Variants in IGFL2 observed in about 807,000 individuals in gnomAD.
IGFL2 encodes insulin growth factor-like family member 2.
In IGFL2, 7 loss-of-function variants were observed where a neutral mutation model predicts 13.9. The ratio of observed to expected loss-of-function variants is 0.51; its 90% CI spans 0.29 to 0.95. IGFL2 has a LOEUF of 0.95. IGFL2 is among the 40% of genes least tolerant of loss of function. The pLI, the probability that IGFL2 is intolerant of heterozygous loss-of-function variation, is 0.08. For synonymous variants in IGFL2, 55 were observed against 55.8 expected (o/e 0.99, Z 0.07); for missense variants, 138 against 147.8 (o/e 0.93, Z 0.34).
At chr19:46,137,886 C>T in the IGFL2 span, among the ~76,000 whole-genome samples, 2 of 152,194 alleles carry the variant, frequency 1.3e-5, no homozygotes, top group African/African-American at 4.8e-5. Context: ...TTGGTCCTTT[C>T]TTAAAATGGC....
intron 1 of IGFL2, chr19:46,148,964 G>A: frequency 6.3e-7 from 1 of 1,583,710 alleles, no homozygotes; most frequent in South Asian, 1.2e-5. Context: ...TGGAGTTCCT[G>A]GGCTCTCAGC....
the IGFL2 span, among the ~76,000 whole-genome samples, chr19:46,194,831 T>TAC: frequency 1.4e-3 from 44 of 30,360 alleles, 1 homozygote; most frequent in African/African-American, 5.8e-3. Flanking sequence ...TTCCTCATTT[T>TAC]ATATATATAT....
At chr19:46,090,398 G>A in the IGFL2 span, among the ~76,000 whole-genome samples, 1 of 152,058 alleles carries the variant, frequency 6.6e-6, no homozygotes, top group Admixed American at 6.6e-5. Context: ...TTGTCTCCCC[G>A]CTAATGTCAT....
upstream of IGFL2, chr19:46,148,004 G>A (rs1464915197): frequency 1.3e-5 from 5 of 393,940 alleles, no homozygotes; most frequent in African/African-American, 2.1e-5. Flanking sequence ...ACTCACTCAC[G>A]GCTTTGAAAG....
the IGFL2 span, chr19:46,137,193 C>A: frequency 6.3e-7 from 1 of 1,589,868 alleles, no homozygotes; most frequent in Non-Finnish European, 8.6e-7. Flanking sequence ...ACAAACTTCA[C>A]AGAGCTTGTT....
chr19:46,111,459 G>T, the IGFL2 span: 4 of 152,316 alleles, frequency 2.6e-5, no homozygotes, highest in South Asian at 8.3e-4. Context: ...GGACAACACT[G>T]AGAGGTATTC....
the IGFL2 span, chr19:46,173,651 AG>A: frequency 6.6e-6 from 1 of 152,234 alleles, no homozygotes; most frequent in African/African-American, 2.4e-5. Flanking sequence ...TATTACTGTG[AG>A]GAGGGCACCA....
At chr19:46,078,820 A>G in the IGFL2 span, among the ~76,000 whole-genome samples, 83 of 151,814 alleles carry the variant, frequency 5.5e-4, no homozygotes, top group South Asian at 1.7e-3. Context: ...AGGCGTCGTC[A>G]GTAGACATCG....
At chr19:46,203,726 TG>T in the IGFL2 span, 1 of 152,514 alleles carries the variant, frequency 6.6e-6, no homozygotes, top group African/African-American at 2.4e-5. Context: ...TTTTTGTTTT[TG>T]TTTTTGTTTG....
the IGFL2 span, among the ~76,000 whole-genome samples, chr19:46,187,497 T>C: frequency 1.4e-5 from 2 of 141,554 alleles, no homozygotes; most frequent in Admixed American, 1.4e-4. Context: ...CCTGAGGTTG[T>C]GCTGCTGGTG....
At chr19:46,174,599 C>G in the IGFL2 span, among the ~76,000 whole-genome samples, 1 of 152,126 alleles carries the variant, frequency 6.6e-6, no homozygotes, top group African/African-American at 2.4e-5. Flanking sequence ...AAAGGCACCT[C>G]CATATAATAA....
At chr19:46,199,726 C>T in the IGFL2 span, among the ~76,000 whole-genome samples, 4 of 152,192 alleles carry the variant, frequency 2.6e-5, no homozygotes, top group African/African-American at 7.2e-5. Context: ...AGCGTCTAGG[C>T]CTCTACCTGC....
the IGFL2 span, among the ~76,000 whole-genome samples, chr19:46,101,841 C>G: frequency 2.6e-5 from 4 of 152,208 alleles, no homozygotes; most frequent in African/African-American, 9.7e-5. Flanking sequence ...TCTCCTGATT[C>G]ACAGGTTGCA....
the IGFL2 span, among the ~76,000 whole-genome samples, chr19:46,128,070 T>G: frequency 1.3e-5 from 2 of 152,200 alleles, no homozygotes; most frequent in Non-Finnish European, 2.9e-5. Flanking sequence ...CCTAGGTATT[T>G]TACTCTTTTT....
chr19:46,146,229 C>T (rs1286017735), upstream of IGFL2, among the ~76,000 whole-genome samples: 1 of 151,770 alleles, frequency 6.6e-6, no homozygotes. Context: ...CATTGAATTG[C>T]CTTTACATCT....
the IGFL2 span, among the ~76,000 whole-genome samples, chr19:46,092,561 G>A: frequency 1.8e-3 from 273 of 152,128 alleles, 2 homozygotes; most frequent in African/African-American, 6.0e-3. Flanking sequence ...GAACCTGAGC[G>A]GCTGAGGCTG....
chr19:46,145,818 C>T (rs1460245785), upstream of IGFL2, among the ~76,000 whole-genome samples: 2 of 151,834 alleles, frequency 1.3e-5, no homozygotes, highest in East Asian at 3.9e-4. Context: ...GATATTTTGC[C>T]GATGCTTAAT....
chr19:46,139,934 G>A (rs187146042), upstream of IGFL2, among the ~76,000 whole-genome samples: 2,545 of 148,996 alleles, frequency 0.017, 26 homozygotes, highest in Middle Eastern at 0.031. Context: ...TATATTTCAC[G>A]CACTCACACA....
downstream of IGFL2, chr19:46,164,553 G>A (rs1292350155): frequency 6.6e-6 from 1 of 152,262 alleles, no homozygotes; most frequent in Non-Finnish European, 1.5e-5. Flanking sequence ...TCCTGATGAG[G>A]ATAGGAGAAG....
Sources: allele counts gnomAD v4.1 joint callset (sites outside exome capture counted in the v4.1 genomes callset), GRCh38; gene constraint gnomAD v4.1.1; transcripts MANE v1.5; gene names NCBI Gene and HGNC (gene_info 2026-07-23, HGNC 2026-07-21).